The following SP4 variants were observed in gnomAD, a reference collection of about 807,000 sequenced individuals.
SP4 encodes Sp4 transcription factor.
SP4 carries 19 observed loss-of-function variants against 72.8 expected under a neutral mutation model. The observed-to-expected ratio is 0.26, with a 90% confidence interval of 0.18 to 0.38. SP4 has a LOEUF of 0.38. Ranked by LOEUF, SP4 falls within the 10% of genes least tolerant of loss-of-function variation. The pLI is 1.00. For synonymous variants in SP4, 395 were observed against 333.1 expected, an observed-to-expected ratio of 1.19 and a Z score of -2.02; for missense variants, 1,008 against 926.3, an observed-to-expected ratio of 1.09 and a Z score of -1.14.
intron 5 of SP4, among the ~76,000 whole-genome samples, chr7:21,485,408 G>A (rs556436960): frequency 5.9e-5 from 9 of 151,934 alleles, no homozygotes; most frequent in Non-Finnish European, 1.2e-4. Context: ...AAAGTTTACT[G>A]TAATAAGGAG....
chr7:21,502,051 C>CCT (rs79084748), intron 5 of SP4, among the ~76,000 whole-genome samples: 20 of 81,950 alleles, frequency 2.4e-4, no homozygotes, highest in Non-Finnish European at 1.6e-4. Context: ...CCCCCCCCCC[C>CCT]CCGGAACTCC....
chr7:21,484,554 T>C (rs578050697), intron 5 of SP4, among the ~76,000 whole-genome samples: 2 of 152,026 alleles, frequency 1.3e-5, no homozygotes, highest in East Asian at 3.9e-4. Flanking sequence ...TAATTTGAAA[T>C]CTTTCTGTAT....
At chr7:21,491,095 T>G (rs913052829) in intron 5 of SP4, among the ~76,000 whole-genome samples, 2 of 152,186 alleles carry the variant, frequency 1.3e-5, no homozygotes, top group African/African-American at 4.8e-5. Flanking sequence ...ATGATCTAGA[T>G]TTCGGAATTA....
chr7:21,484,148 A>G (rs1367770617), intron 5 of SP4, among the ~76,000 whole-genome samples: 4 of 151,908 alleles, frequency 2.6e-5, no homozygotes, highest in Non-Finnish European at 5.9e-5. Flanking sequence ...ATATACACAT[A>G]AAGTAGTAAT....
intron 3 of SP4, among the ~76,000 whole-genome samples, chr7:21,456,990 G>T (rs1338930626): frequency 6.6e-6 from 1 of 150,550 alleles, no homozygotes; most frequent in Non-Finnish European, 1.5e-5. Context: ...AAAGGAAGAG[G>T]AAAACTTCCT....
Position 21,514,720 on chromosome 7 carries a change from TAACAA to T in SP4, c.*3452_*3456del. 2 of 152,202 alleles carry T rather than the reference TAACAA, an allele frequency of 1.3e-5. No homozygotes were observed. Among genetic ancestry groups the T allele is most frequent in the Non-Finnish European group, 2.9e-5 (2 of 68,042 alleles). 9.4% of individuals were successfully genotyped at this position (152,202 alleles called of 1,614,324 possible). A position where few individuals can be genotyped will look rare whatever the true frequency, so the allele number is the denominator to read the frequency against. ...ATCATGTACAAGTTGTTGCCTGCAA[TAACAA>T]TTGCAAGTAACCTATTAAAAATTCC... On this transcript the variant is annotated 3_prime_UTR_variant, in exon 6 of 6. Coordinates refer to ENST00000222584, the MANE Select transcript of SP4 (RefSeq NM_003112.5).
At chr7:21,510,580 T>G (rs1171107718) in intron 5 of SP4, among the ~76,000 whole-genome samples, 2 of 152,226 alleles carry the variant, frequency 1.3e-5, no homozygotes, top group Non-Finnish European at 1.5e-5. Flanking sequence ...TAACTTAGTT[T>G]ATTTGAAATA....
chr7:21,491,189 A>G (rs1450833838), intron 5 of SP4, among the ~76,000 whole-genome samples: 2 of 152,248 alleles, frequency 1.3e-5, no homozygotes, highest in African/African-American at 4.8e-5. Flanking sequence ...GAAAGGCAGA[A>G]GTTTTTAGCA....
intron 3 of SP4, among the ~76,000 whole-genome samples, chr7:21,471,659 C>T (rs1784347620): frequency 6.6e-6 from 1 of 151,960 alleles, no homozygotes; most frequent in Non-Finnish European, 1.5e-5. Context: ...CATAGTGAGA[C>T]ATAATCTCTA....
chr7:21,475,605 AGGC>A, intron 3 of SP4, among the ~76,000 whole-genome samples: 1 of 152,128 alleles, frequency 6.6e-6, no homozygotes, highest in African/African-American at 2.4e-5. Context: ...CTGGGACTAC[AGGC>A]GCCCGCCACC....
intron 5 of SP4, among the ~76,000 whole-genome samples, chr7:21,489,553 C>T (rs200041440): frequency 1.2e-4 from 10 of 82,524 alleles, no homozygotes; most frequent in Non-Finnish European, 1.6e-4. Flanking sequence ...TTTCTTTTTT[C>T]TTTTTTTTTT....
intron 3 of SP4, among the ~76,000 whole-genome samples, chr7:21,472,979 G>C (rs1182957643): frequency 6.6e-6 from 1 of 152,172 alleles, no homozygotes; most frequent in Non-Finnish European, 1.5e-5. Flanking sequence ...CTGTGAACCA[G>C]GAGCTGAGTA....
At position 21,511,626 on chromosome 7, in the gene SP4, T is replaced by C. The variant is rs1406623485; in HGVS notation, c.*357T>C. ...GGACCTTAATTGGACTTATTTTCTTTGAAAGTACTTTGTTATAAATTCAGT... is the reference window on the plus strand; with the variant it reads ...GGACCTTAATTGGACTTATTTTCTTCGAAAGTACTTTGTTATAAATTCAGT... On this transcript the variant is annotated 3_prime_UTR_variant, in exon 6 of 6. Coordinates refer to ENST00000222584, the MANE Select transcript of SP4 (RefSeq NM_003112.5). 1 of 182,266 alleles carries C rather than the reference T, an allele frequency of 5.5e-6. No individual in the cohort carries two copies. 11.3% of individuals were successfully genotyped at this position (182,266 alleles called of 1,614,324 possible). A position where few individuals can be genotyped will look rare whatever the true frequency, so the allele number is the denominator to read the frequency against.
chr7:21,472,409 C>A (rs903545929), intron 3 of SP4, among the ~76,000 whole-genome samples: 3 of 152,128 alleles, frequency 2.0e-5, no homozygotes, highest in African/African-American at 7.2e-5. Context: ...CTCAGCACCT[C>A]ATTCTCATGA....
At position 21,430,577 on chromosome 7, in the gene SP4, CTG is replaced by C. The variant is rs747385420; in HGVS notation, c.1414_1415del (p.Val472ThrfsTer60). ...CCTTCAGGGCAAATCAGTTGGCAAA[CTG>C]TACAGGTTCAGAATATTCAGAGTCT... On this transcript the variant is annotated frameshift_variant, in exon 3 of 6. Transcript: ENST00000222584. LOFTEE classifies it high-confidence loss of function. 1 of 1,614,242 alleles carries C rather than the reference CTG, an allele frequency of 6.2e-7. No homozygotes were observed.
chr7:21,495,272 A>G (rs1464542611), intron 5 of SP4, among the ~76,000 whole-genome samples: 1 of 152,176 alleles, frequency 6.6e-6, no homozygotes, highest in Non-Finnish European at 1.5e-5. Context: ...TCTGTGATGG[A>G]TCCTGTTAAG....
intron 5 of SP4, among the ~76,000 whole-genome samples, chr7:21,505,858 C>T (rs1781983474): frequency 6.6e-6 from 1 of 152,178 alleles, no homozygotes; most frequent in Non-Finnish European, 1.5e-5. Flanking sequence ...CCTTTTCTCC[C>T]TTCAGTGGAA....
chr7:21,464,158 T>G (rs6967508), intron 3 of SP4, among the ~76,000 whole-genome samples: 2,855 of 149,474 alleles, frequency 0.019, 101 homozygotes, highest in African/African-American at 0.066. Flanking sequence ...GGAGTCTAGT[T>G]CTGTCACCCA....
intron 3 of SP4, among the ~76,000 whole-genome samples, chr7:21,474,632 TG>T (rs1348071096): frequency 6.6e-6 from 1 of 152,208 alleles, no homozygotes; most frequent in Non-Finnish European, 1.5e-5. Flanking sequence ...CCTTTACCCC[TG>T]GAAAATCAAC....
Sources: gnomAD v4.1 joint callset for allele counts (sites outside exome capture counted in the v4.1 genomes callset) on GRCh38, gnomAD v4.1.1 for gene constraint, MANE v1.5 for transcripts, NCBI Gene and HGNC (gene_info 2026-07-23, HGNC 2026-07-21) for gene names.